Variants in TMEM132D observed in about 807,000 individuals in gnomAD.
TMEM132D encodes the protein transmembrane protein 132D.
A neutral mutation model predicts 62.3 loss-of-function variants in TMEM132D; 21 were observed. The observed-to-expected ratio is 0.34, with a 90% confidence interval of 0.24 to 0.49. The LOEUF (loss-of-function observed/expected upper bound fraction) is 0.49. Ranked by LOEUF, TMEM132D falls within the 20% of genes least tolerant of loss-of-function variation. TMEM132D has a pLI of 0.99. For missense variants in TMEM132D, 1,346 were observed against 1,402.8 expected (o/e 0.96, Z 0.65); for synonymous variants, 621 against 575.6 (o/e 1.08, Z -1.13).
chr12:129,397,635 C>T (rs1259948004), intron 3 of TMEM132D, among the ~76,000 whole-genome samples: 8 of 152,140 alleles, frequency 5.3e-5, no homozygotes, highest in Admixed American at 2.0e-4. Flanking sequence ...ATTTCTTCTC[C>T]GATGCCCAGA....
At chr12:129,615,349 G>A (rs1878884404) in intron 2 of TMEM132D, among the ~76,000 whole-genome samples, 1 of 151,932 alleles carries the variant, frequency 6.6e-6, no homozygotes, top group Non-Finnish European at 1.5e-5. Context: ...CGTTTGTTTA[G>A]GTGAAAGGTT....
At chr12:129,179,465 G>A (rs1429976385) in intron 5 of TMEM132D, among the ~76,000 whole-genome samples, 1 of 152,096 alleles carries the variant, frequency 6.6e-6, no homozygotes, top group African/African-American at 2.4e-5. Context: ...CAAGGGTGAT[G>A]GAGTAATTCT....
At chr12:129,387,563 C>A (rs993015486) in intron 3 of TMEM132D, among the ~76,000 whole-genome samples, 1 of 152,034 alleles carries the variant, frequency 6.6e-6, no homozygotes, top group Non-Finnish European at 1.5e-5. Context: ...AACACCAACG[C>A]CAACACTAAC....
intron 1 of TMEM132D, among the ~76,000 whole-genome samples, chr12:129,877,613 G>GCGCACACACA (rs1555238201): frequency 2.1e-5 from 3 of 144,308 alleles, no homozygotes; most frequent in African/African-American, 7.7e-5. Flanking sequence ...GCGCGCGCGC[G>GCGCACACACA]CACACACACA....
chr12:129,635,997 C>T lies in TMEM132D; in HGVS notation c.968+63813G>A, dbSNP rs265610. 3.9e-3 allele frequency among the ~76,000 whole-genome samples: 588 copies of T among 152,318 alleles called. 6 individuals are homozygous for T. Among genetic ancestry groups the T allele is most frequent in the African/African-American group, 0.013 (548 of 41,560 alleles). ...GTGGATTCAAATATCTTCTGATTTG[C>T]ACTTGGTTGAAAGAGTTATTACCTA... On this transcript the variant is annotated intron_variant, in intron 2 of 8. Transcript: ENST00000422113.
chr12:129,337,426 T>C (rs78657202), intron 4 of TMEM132D, among the ~76,000 whole-genome samples: 4,244 of 132,924 alleles, frequency 0.032, 216 homozygotes, highest in African/African-American at 0.11. Context: ...TAGATATAGA[T>C]ATAGATACAC....
At chr12:129,284,672 T>C (rs1397956487) in intron 4 of TMEM132D, among the ~76,000 whole-genome samples, 1 of 152,244 alleles carries the variant, frequency 6.6e-6, no homozygotes, top group Non-Finnish European at 1.5e-5. Flanking sequence ...CAAATGCCCA[T>C]TGGCGGATGC....
chr12:129,381,937 G>A (rs1394090343), intron 3 of TMEM132D, among the ~76,000 whole-genome samples: 1 of 152,140 alleles, frequency 6.6e-6, no homozygotes, highest in African/African-American at 2.4e-5. Flanking sequence ...GGTACTTTAT[G>A]TAAATGATTA....
intron 1 of TMEM132D, among the ~76,000 whole-genome samples, chr12:129,850,880 T>G (rs981610862): frequency 6.6e-6 from 1 of 152,186 alleles, no homozygotes; most frequent in Non-Finnish European, 1.5e-5. Flanking sequence ...TTCTTAGAAA[T>G]TAGATTCTTT....
At chr12:129,661,644 A>T (rs1054886648) in intron 2 of TMEM132D, among the ~76,000 whole-genome samples, 1 of 152,224 alleles carries the variant, frequency 6.6e-6, no homozygotes, top group African/African-American at 2.4e-5. Flanking sequence ...TCCTTAAAAC[A>T]TTCCCTCAAA....
chr12:129,475,935 A>G (rs1191662012), intron 3 of TMEM132D, among the ~76,000 whole-genome samples: 1 of 152,258 alleles, frequency 6.6e-6, no homozygotes, highest in African/African-American at 2.4e-5. Flanking sequence ...TATTAAAATT[A>G]TGCAGAAATA....
chr12:129,627,017 G>A (rs1382851600), intron 2 of TMEM132D, among the ~76,000 whole-genome samples: 1 of 152,156 alleles, frequency 6.6e-6, no homozygotes, highest in East Asian at 1.9e-4. Flanking sequence ...TGAAGAATTG[G>A]AAAAGGAAGC....
chr12:129,333,618 C>A (rs1295660002), intron 4 of TMEM132D, among the ~76,000 whole-genome samples: 4 of 152,166 alleles, frequency 2.6e-5, no homozygotes, highest in African/African-American at 9.7e-5. Context: ...TCCAGGACAG[C>A]ACCAGACATT....
chr12:129,680,298 T>C (rs532703867), intron 2 of TMEM132D, among the ~76,000 whole-genome samples: 1 of 152,282 alleles, frequency 6.6e-6, no homozygotes, highest in African/African-American at 2.4e-5. Flanking sequence ...GGATGATCTC[T>C]TTTTTTATTA....
chr12:129,113,044 GT>G (rs1378195084), intron 5 of TMEM132D: 1 of 152,128 alleles, frequency 6.6e-6, no homozygotes, highest in African/African-American at 2.4e-5. Flanking sequence ...TGAGCCAAAT[GT>G]TTTTACTTCT....
intron 4 of TMEM132D, among the ~76,000 whole-genome samples, chr12:129,269,902 G>A (rs1016109479): frequency 6.6e-6 from 1 of 152,164 alleles, no homozygotes; most frequent in African/African-American, 2.4e-5. Flanking sequence ...CTTAATGATG[G>A]ATAGCAATGC....
chr12:129,074,743 T>A lies in TMEM132D; in HGVS notation c.2432A>T (p.His811Leu), dbSNP rs1044328126. 3.7e-6 allele frequency: 6 copies of A among 1,614,072 alleles called. No individual in the cohort carries two copies. The highest frequency in any genetic ancestry group is 3.3e-5 in the Admixed American group (2 of 60,006). ...TTCCATGTGAACCCCTGCCCCTGTGTGTCTGCTGTCACTGGTGTTGGGGTT... is the reference window on the plus strand; with the variant it reads ...TTCCATGTGAACCCCTGCCCCTGTGAGTCTGCTGTCACTGGTGTTGGGGTT... ...DANPNTSDSR[H>L]TGAGVHMENN... The change falls in exon 9 of 9, where the codon CAC (histidine) becomes CTC (leucine). Residue 811 changes from histidine to leucine, a missense_variant. Coordinates refer to ENST00000422113, the MANE Select transcript of TMEM132D (RefSeq NM_133448.3).
intron 4 of TMEM132D, among the ~76,000 whole-genome samples, chr12:129,310,970 A>G (rs60790512): frequency 0.023 from 2,220 of 97,088 alleles, 499 homozygotes; most frequent in African/African-American, 0.11. Context: ...AGGCCGAGGC[A>G]GGCGGATCAC....
intron 5 of TMEM132D, among the ~76,000 whole-genome samples, chr12:129,182,124 G>A (rs922449415): frequency 2.0e-5 from 3 of 152,158 alleles, no homozygotes; most frequent in Non-Finnish European, 4.4e-5. Flanking sequence ...CACTTTGGGA[G>A]GCAGAGGTGA....
Sources: allele counts gnomAD v4.1 joint callset (sites outside exome capture counted in the v4.1 genomes callset), GRCh38; gene constraint gnomAD v4.1.1; transcripts MANE v1.5; gene names NCBI Gene and HGNC (gene_info 2026-07-23, HGNC 2026-07-21).